The following NBAS variants were observed in gnomAD, a reference collection of about 807,000 sequenced individuals.
NBAS encodes the protein NAG/BC035112 fusion.
Under a neutral mutation model 302.5 loss-of-function variants are expected in NBAS, and 219 were observed. The ratio of observed to expected loss-of-function variants is 0.72; its 90% CI spans 0.65 to 0.81. NBAS has a LOEUF of 0.81. NBAS is among the 30% of genes least tolerant of loss of function. The probability of loss-of-function intolerance (pLI) is 0.00; values close to 1 mark genes in which losing one functional copy is unlikely to be tolerated. For missense variants in NBAS, 2,932 were observed against 2,841.6 expected, an observed-to-expected ratio of 1.03 and a Z score of -0.72; for synonymous variants, 1,118 against 1,021.6, an observed-to-expected ratio of 1.09 and a Z score of -1.80.
chr2:15,032,382 C>A, the NBAS span, among the ~76,000 whole-genome samples: 1 of 152,178 alleles, frequency 6.6e-6, no homozygotes, highest in Non-Finnish European at 1.5e-5. Context: ...CAATAGAGAA[C>A]AAGAAATTCT....
the NBAS span, among the ~76,000 whole-genome samples, chr2:14,874,564 C>T: frequency 1.7e-3 from 252 of 150,552 alleles, 1 homozygote; most frequent in African/African-American, 5.9e-3. Flanking sequence ...GGCGTGAATC[C>T]GGGAGGTGGA....
chr2:15,019,461 A>G, the NBAS span, among the ~76,000 whole-genome samples: 1 of 152,168 alleles, frequency 6.6e-6, no homozygotes, highest in Non-Finnish European at 1.5e-5. Flanking sequence ...GCAGGTGGAA[A>G]GAGGAAGAGG....
chr2:15,341,972 T>G (rs1050224150), intron 35 of NBAS, among the ~76,000 whole-genome samples: 4 of 152,156 alleles, frequency 2.6e-5, no homozygotes, highest in Non-Finnish European at 4.4e-5. Flanking sequence ...AGAGAACACT[T>G]ATCAGGCAAT....
the NBAS span, among the ~76,000 whole-genome samples, chr2:14,955,770 A>C: frequency 6.6e-6 from 1 of 152,270 alleles, no homozygotes; most frequent in South Asian, 2.1e-4. Flanking sequence ...ACAATGTCCC[A>C]AGGCTGCATA....
At chr2:15,546,804 A>G (rs1454872033) in intron 6 of NBAS, among the ~76,000 whole-genome samples, 2 of 152,228 alleles carry the variant, frequency 1.3e-5, no homozygotes, top group Non-Finnish European at 2.9e-5. Flanking sequence ...CAACACACAG[A>G]GAAAATCATA....
At chr2:14,806,117 C>T in the NBAS span, among the ~76,000 whole-genome samples, 1 of 152,084 alleles carries the variant, frequency 6.6e-6, no homozygotes, top group Non-Finnish European at 1.5e-5. Context: ...ATGGGTTTCC[C>T]CTGAGTTTCT....
intron 9 of NBAS, among the ~76,000 whole-genome samples, chr2:15,517,152 T>A (rs912665829): frequency 1.3e-5 from 2 of 152,288 alleles, no homozygotes; most frequent in African/African-American, 4.8e-5. Flanking sequence ...TAGGTTTTTT[T>A]ACTTTTATTT....
chr2:15,436,052 C>T (rs187400789), intron 21 of NBAS, among the ~76,000 whole-genome samples: 2 of 152,176 alleles, frequency 1.3e-5, no homozygotes, highest in East Asian at 3.9e-4. Flanking sequence ...GATAAACAAT[C>T]CACATGAGCT....
chr2:15,469,049 C>A (rs1362886299), intron 16 of NBAS, among the ~76,000 whole-genome samples: 1 of 152,116 alleles, frequency 6.6e-6, no homozygotes, highest in African/African-American at 2.4e-5. Context: ...GATCAAAGTC[C>A]TATTCCTCCC....
intron 11 of NBAS, among the ~76,000 whole-genome samples, chr2:15,492,761 C>T (rs949232978): frequency 6.6e-6 from 1 of 152,006 alleles, no homozygotes; most frequent in Non-Finnish European, 1.5e-5. Context: ...GCACCTGGTC[C>T]GTAGAAACAT....
At chr2:14,900,525 A>G in the NBAS span, among the ~76,000 whole-genome samples, 11,262 of 152,254 alleles carry the variant, frequency 0.074, 579 homozygotes, top group Non-Finnish European at 0.11. Context: ...TGGTTTGGTT[A>G]TAAATGCCAG....
At chr2:14,993,094 T>C in the NBAS span, among the ~76,000 whole-genome samples, 1 of 152,096 alleles carries the variant, frequency 6.6e-6, no homozygotes, top group Admixed American at 6.5e-5. Flanking sequence ...TTGAAGGGAG[T>C]GACCATTTAT....
At chr2:14,946,914 G>T in the NBAS span, among the ~76,000 whole-genome samples, 1 of 152,118 alleles carries the variant, frequency 6.6e-6, no homozygotes, top group Non-Finnish European at 1.5e-5. Flanking sequence ...ATATGTTCCA[G>T]ACCTACCAAT....
the NBAS span, among the ~76,000 whole-genome samples, chr2:14,849,602 A>G: frequency 6.8e-6 from 1 of 146,750 alleles, no homozygotes; most frequent in African/African-American, 2.7e-5. Context: ...ACTCCTCGAG[A>G]AGAGCAACTC....
At chr2:14,812,432 T>C in the NBAS span, among the ~76,000 whole-genome samples, 3 of 152,330 alleles carry the variant, frequency 2.0e-5, no homozygotes, top group South Asian at 6.2e-4. Flanking sequence ...CTCTAATATC[T>C]ATTGTTTTCA....
At chr2:15,208,934 G>T (rs983651850) in intron 48 of NBAS, among the ~76,000 whole-genome samples, 1 of 151,930 alleles carries the variant, frequency 6.6e-6, no homozygotes, top group African/African-American at 2.4e-5. Context: ...GTAGGAAAAA[G>T]GATATAATGA....
At chr2:15,170,594 G>A (rs1184581081) in intron 51 of NBAS, among the ~76,000 whole-genome samples, 4 of 152,200 alleles carry the variant, frequency 2.6e-5, no homozygotes, top group Non-Finnish European at 4.4e-5. Flanking sequence ...AACGCAGGGT[G>A]GGTGACTTTA....
chr2:15,558,992 CT>C (rs1172945626), intron 1 of NBAS, among the ~76,000 whole-genome samples: 2 of 139,582 alleles, frequency 1.4e-5, no homozygotes, highest in Non-Finnish European at 3.0e-5. Flanking sequence ...GAGGTTGAAG[CT>C]ACGAAGCTAC....
intron 40 of NBAS, among the ~76,000 whole-genome samples, chr2:15,295,454 C>G (rs894614574): frequency 1.3e-5 from 2 of 152,196 alleles, no homozygotes; most frequent in African/African-American, 4.8e-5. Flanking sequence ...AATTACTTAA[C>G]TATGAACTTC....
Sources: gnomAD v4.1 joint callset for allele counts (sites outside exome capture counted in the v4.1 genomes callset) on GRCh38, gnomAD v4.1.1 for gene constraint, MANE v1.5 for transcripts, NCBI Gene and HGNC (gene_info 2026-07-23, HGNC 2026-07-21) for gene names.